Variants in R3HDM4 observed in about 807,000 individuals in gnomAD.
R3HDM4 encodes R3H domain containing 4.
In R3HDM4, 30 loss-of-function variants were observed where a neutral mutation model predicts 31.3. That is an observed-to-expected ratio of 0.96 (90% CI 0.72 to 1.30). R3HDM4 has a LOEUF of 1.30. R3HDM4 is among the 50% of genes most tolerant of loss of function. The pLI is 0.00. For synonymous variants in R3HDM4, 196 were observed against 156.6 expected (o/e 1.25, Z -1.88); for missense variants, 444 against 366.1 (o/e 1.21, Z -1.74).
At chr19:902,358 C>T (rs1314525247) in intron 1 of R3HDM4, 5 of 547,162 alleles carry the variant, frequency 9.1e-6, no homozygotes, top group East Asian at 6.2e-5. Context: ...GCCGGTGATC[C>T]CAGCATTGTG....
Position 897,407 on chromosome 19 carries a change from G to A in R3HDM4, c.*30C>T. The stretch of plus-strand genomic sequence containing the variant: ...ATCGGAGGGCTTGATGGCTGGGCGA[G>A]GTGGCAGCGGGGTCTCCGCGGGGCC... On this transcript the variant is annotated 3_prime_UTR_variant, in exon 8 of 8. Transcript: ENST00000361574. The A allele has an allele frequency of 6.7e-7, 1 of 1,495,768 alleles. No homozygotes were observed. Among genetic ancestry groups the A allele is most frequent in the Non-Finnish European group, 9.1e-7 (1 of 1,097,576 alleles). 92.7% of individuals were successfully genotyped at this position (1,495,768 alleles called of 1,614,324 possible).
chr19:912,882 C>T (rs539465451), intron 1 of R3HDM4, among the ~76,000 whole-genome samples: 3 of 151,844 alleles, frequency 2.0e-5, no homozygotes, highest in Admixed American at 2.0e-4. Flanking sequence ...AATGAAGACC[C>T]CCCACCCAGC....
At chr19:898,957 G>A (rs1443609038) in intron 7 of R3HDM4, among the ~76,000 whole-genome samples, 1 of 152,190 alleles carries the variant, frequency 6.6e-6, no homozygotes, top group East Asian at 1.9e-4. Flanking sequence ...GGCCGGCGGC[G>A]CCTGCACAGA....
In R3HDM4 at chr19:899,331, C is replaced by T. The variant is rs940281840; in HGVS notation, c.703+109G>A. On this transcript the variant is annotated intron_variant, in intron 7 of 7. Transcript: ENST00000361574. The surrounding 1 kb of genome is among the most constrained non-coding windows in gnomAD (Gnocchi z 6.8). ...GTAGCGTCCCCACTCCAGCCCCCTT[C>T]CCCACCTCCCCACCAAGCCCCACTC... The T allele has an allele frequency of 1.4e-5, 14 of 1,022,974 alleles. No individual in the cohort carries two copies. The highest frequency in any genetic ancestry group is 9.7e-5 in the Admixed American group (5 of 51,328). The allele number at this position is 1,022,974 out of a possible 1,614,324, so 63.4% of individuals were successfully genotyped here.
chr19:901,924 C>T, intron 2 of R3HDM4, 52 bp downstream of exon 2: 5 of 1,603,152 alleles, frequency 3.1e-6, no homozygotes, highest in Middle Eastern at 1.7e-4. Flanking sequence ...ATATGCATGC[C>T]ATTCTACAAG....
Position 900,131 on chromosome 19 carries a change from G to A in R3HDM4, c.491C>T (p.Thr164Ile). 1.3e-6 allele frequency: 2 copies of A among 1,590,494 alleles called. No individual in the cohort carries two copies. The highest frequency in any genetic ancestry group is 1.1e-5 in the South Asian group (1 of 87,956). Residue 164 changes from threonine to isoleucine, a missense_variant, in exon 5 of 8, where the codon ACA becomes ATA. By Grantham distance (89) the Thr-to-Ile change is moderately conservative. Transcript: ENST00000361574. ...EDRRREDPAY[T>I]PRECFQRISR... Reference sequence around the variant, plus strand: ...GATGCGCTGGAAGCACTCGCGGGGTGTATAGGCGGGGTCCTCTGCAGGAGT... The same window carrying A: ...GATGCGCTGGAAGCACTCGCGGGGTATATAGGCGGGGTCCTCTGCAGGAGT...
At chr19:902,514 C>A in intron 1 of R3HDM4, 1 of 192,330 alleles carries the variant, frequency 5.2e-6, no homozygotes, top group South Asian at 8.6e-5. Flanking sequence ...TGTGCTGGTA[C>A]ATGCCTGTAG....
chr19:905,910 C>T (rs1163486561), intron 1 of R3HDM4, among the ~76,000 whole-genome samples: 2 of 152,306 alleles, frequency 1.3e-5, no homozygotes, highest in South Asian at 2.1e-4. Flanking sequence ...AACTCAATGG[C>T]CCAGGCAAGC....
intron 7 of R3HDM4, among the ~76,000 whole-genome samples, chr19:898,951 G>A (rs761924581): frequency 2.6e-5 from 4 of 152,312 alleles, no homozygotes; most frequent in East Asian, 1.9e-4. Context: ...GCCTGGGGCC[G>A]GCGGCGCCTG....
chr19:898,925 C>T (rs2036783610), intron 7 of R3HDM4, among the ~76,000 whole-genome samples: 1 of 152,168 alleles, frequency 6.6e-6, no homozygotes, highest in South Asian at 2.1e-4. Flanking sequence ...GTGAGAGGCT[C>T]AGGACCAGAT....
At chr19:909,767 G>A (rs1352180217) in intron 1 of R3HDM4, among the ~76,000 whole-genome samples, 1 of 152,064 alleles carries the variant, frequency 6.6e-6, no homozygotes, top group Non-Finnish European at 1.5e-5. Context: ...CTGCACTCCA[G>A]CCTGGGTGAC....
chr19:904,144 G>T (rs984176396), intron 1 of R3HDM4, among the ~76,000 whole-genome samples: 6 of 152,160 alleles, frequency 3.9e-5, no homozygotes, highest in African/African-American at 1.4e-4. Context: ...GGGTCTGGGG[G>T]TACCAGGATC....
intron 1 of R3HDM4, among the ~76,000 whole-genome samples, chr19:912,811 A>C (rs919556535): frequency 2.1e-4 from 32 of 151,138 alleles, no homozygotes; most frequent in African/African-American, 7.6e-4. Context: ...GGGGACGTGG[A>C]TCCGGGTCCC....
chr19:899,078 G>A lies in R3HDM4; in HGVS notation c.703+362C>T, dbSNP rs1397292675. The stretch of plus-strand genomic sequence containing the variant: ...CACGTGTGGTATGTGGGAGGCCTTA[G>A]AGTTAAATGCAAACCTTCCAGACAC... On this transcript the variant is annotated intron_variant, in intron 7 of 7. Transcript: ENST00000361574. The surrounding 1 kb of genome is among the most constrained non-coding windows in gnomAD (Gnocchi z 6.8). Among the ~76,000 whole-genome samples the A allele has an allele frequency of 6.6e-6, 1 of 152,086 alleles. No homozygotes were observed. The highest frequency in any genetic ancestry group is 1.5e-5 in the Non-Finnish European group (1 of 68,002).
rs1004701877 is a variant in R3HDM4, at chr19:898,115, G to A, written c.704-575C>T. On this transcript the variant is annotated intron_variant, in intron 7 of 7. Coordinates refer to ENST00000361574, the MANE Select transcript of R3HDM4 (RefSeq NM_138774.4). ...AAACCCTGTCTCTAGGGCTGGGCGC[G>A]GTGGCTTAAGCCTGTAATGCCAGCA... Among the ~76,000 whole-genome samples the A allele has an allele frequency of 5.9e-5, 9 of 152,090 alleles. No homozygotes were observed. In the East Asian group the frequency reaches 9.7e-4, roughly 16 times the overall value.
At chr19:910,994 A>G (rs1038364991) in intron 1 of R3HDM4, among the ~76,000 whole-genome samples, 7 of 151,530 alleles carry the variant, frequency 4.6e-5, no homozygotes, top group South Asian at 2.1e-4. Flanking sequence ...GGTGGCGGGC[A>G]CCTGTAGTCC....
intron 3 of R3HDM4, 156 bp from the exon 4 acceptor site, chr19:901,108 C>T: frequency 9.7e-7 from 1 of 1,030,236 alleles, no homozygotes; most frequent in South Asian, 1.7e-5. Context: ...GGGCCCTGAG[C>T]TGAGCGCAGG....
rs984746249 is a variant in R3HDM4 at position 907,658 on chromosome 19, A to G, written c.71+5429T>C. On this transcript the variant is annotated intron_variant, in intron 1 of 7. Coordinates refer to ENST00000361574, the MANE Select transcript of R3HDM4 (RefSeq NM_138774.4). The surrounding 1 kb of genome is among the most constrained non-coding windows in gnomAD (Gnocchi z 4.1). ...TCACCACCCCTCATACCAAAGCCCCACAGGCCTCTCCTCCAGGCCCACAAG... is the reference window on the plus strand; with the variant it reads ...TCACCACCCCTCATACCAAAGCCCCGCAGGCCTCTCCTCCAGGCCCACAAG... Among the ~76,000 whole-genome samples, 1 of 151,824 alleles carries G rather than the reference A, an allele frequency of 6.6e-6. No individual in the cohort carries two copies. The highest frequency in any genetic ancestry group is 1.5e-5 in the Non-Finnish European group (1 of 67,944).
In R3HDM4 at chr19:899,632, G is replaced by C. The variant is rs757639371; in HGVS notation, c.616C>G (p.Gln206Glu). The C allele has an allele frequency of 6.2e-7, 1 of 1,608,238 alleles. No homozygotes were observed. Among genetic ancestry groups the C allele is most frequent in the African/African-American group, 1.3e-5 (1 of 74,710 alleles). The change falls in exon 6 of 8, where the codon CAG (glutamine) becomes GAG (glutamate). Residue 206 changes from glutamine to glutamate, a missense_variant. Gln to Glu is a conservative substitution (Grantham distance 29). Transcript: ENST00000361574. The surrounding 1 kb of genome is among the most constrained non-coding windows in gnomAD (Gnocchi z 6.8). ...TCTAGCATTGCTGTGTACACGGCCT[G>C]GGGGGACACGGAGAAGAACCGAAGC... is the stretch of plus-strand genomic sequence containing the variant. ...RLLRFFSVSP[Q>E]AVYTAMLDNS...
Sources: gnomAD v4.1 joint callset for allele counts (sites outside exome capture counted in the v4.1 genomes callset) on GRCh38, gnomAD v4.1.1 for gene constraint, Gnocchi (gnomAD v3.1) non-coding constraint, MANE v1.5 for transcripts, NCBI Gene and HGNC (gene_info 2026-07-23, HGNC 2026-07-21) for gene names.